The following SPACA7 variants were observed in gnomAD, a reference collection of about 807,000 sequenced individuals.
SPACA7 encodes the protein sperm acrosome associated 7.
Under a neutral mutation model 26.3 loss-of-function variants are expected in SPACA7, and 19 were observed. The ratio of observed to expected loss-of-function variants is 0.72; its 90% CI spans 0.50 to 1.06. SPACA7 has a LOEUF of 1.06. SPACA7 is among the 50% of genes least tolerant of loss of function. SPACA7 has a pLI of 0.00. For missense variants in SPACA7, 211 were observed against 229.9 expected, an observed-to-expected ratio of 0.92 and a Z score of 0.53; for synonymous variants, 84 against 84.5, an observed-to-expected ratio of 0.99 and a Z score of 0.04.
At position 112,414,683 on chromosome 13, in the gene SPACA7, A is replaced by T. The variant is rs142566006; in HGVS notation, c.445+13519A>T. Among the ~76,000 whole-genome samples the T allele has an allele frequency of 2.4e-4, 37 of 152,200 alleles. No homozygotes were observed. The East Asian group carries it at 6.6e-3, about 27-fold the overall frequency. ...GTTCTTGGCTTCCCAAAGTGCTGGG[A>T]TTACAGGTGTGAGCCACCGTGCCCA... On this transcript the variant is annotated intron_variant, in intron 5 of 6. Coordinates refer to ENST00000283550, the MANE Select transcript of SPACA7 (RefSeq NM_145248.5).
intron 5 of SPACA7, among the ~76,000 whole-genome samples, chr13:112,406,623 A>G (rs1342965735): frequency 6.6e-6 from 1 of 152,206 alleles, no homozygotes; most frequent in East Asian, 1.9e-4. Flanking sequence ...ATTATCACCA[A>G]TTATTAGGGA....
At chr13:112,378,803 T>A (rs1883860466) in intron 1 of SPACA7, 1 of 468,858 alleles carries the variant, frequency 2.1e-6, no homozygotes, top group Non-Finnish European at 4.4e-6. Flanking sequence ...ATTCTATGTA[T>A]CAATCTCAAA....
chr13:112,377,887 A>G (rs1217628053), intron 1 of SPACA7, among the ~76,000 whole-genome samples: 2 of 152,224 alleles, frequency 1.3e-5, no homozygotes, highest in Non-Finnish European at 2.9e-5. Flanking sequence ...GAGAAGAAAA[A>G]CAAAGATTTA....
At chr13:112,401,844 C>T (rs1190873229) in intron 5 of SPACA7, among the ~76,000 whole-genome samples, 4 of 152,092 alleles carry the variant, frequency 2.6e-5, no homozygotes, top group East Asian at 3.9e-4. Flanking sequence ...TTTAAAAGTC[C>T]ATCTTTGTCC....
chr13:112,427,045 A>C (rs1007176813), intron 5 of SPACA7, among the ~76,000 whole-genome samples: 2 of 152,232 alleles, frequency 1.3e-5, no homozygotes, highest in Admixed American at 6.5e-5. Flanking sequence ...TGGGTTGAAG[A>C]AGTTGCCTTC....
intron 1 of SPACA7, among the ~76,000 whole-genome samples, chr13:112,381,105 T>G (rs980599584): frequency 1.2e-4 from 19 of 152,204 alleles, no homozygotes; most frequent in Non-Finnish European, 1.3e-4. Context: ...TTATCTTATT[T>G]AAAAATTATT....
intron 5 of SPACA7, among the ~76,000 whole-genome samples, chr13:112,412,298 G>GT (rs747425013): frequency 4.6e-5 from 7 of 151,346 alleles, no homozygotes; most frequent in Non-Finnish European, 8.9e-5. Flanking sequence ...TTTGTTTTTT[G>GT]TTTTTTGTTT....
At position 112,399,080 on chromosome 13, in the gene SPACA7, G is replaced by T; in HGVS notation, c.256G>T (p.Glu86Ter). The change falls in exon 4 of 7, where the codon GAG becomes TAG. Residue 86 changes from glutamate (E) to a stop codon, truncating the protein, a stop_gained. Transcript: ENST00000283550. LOFTEE classifies it high-confidence loss of function. The stretch of plus-strand genomic sequence containing the variant: ...CTTCATTGAAGATGCTGGTATTGAT[G>T]AGAATTATCAAGCTGGTGGTTCTGA... Reference protein sequence around the residue: ...LSTPLHAGIDENYQAGGSENY... With the variant: ...LSTPLHAGID 6.2e-7 allele frequency: 1 copy of T among 1,605,730 alleles called. No homozygotes were observed. Among genetic ancestry groups the T allele is most frequent in the Non-Finnish European group, 8.5e-7 (1 of 1,173,254 alleles).
intron 5 of SPACA7, among the ~76,000 whole-genome samples, chr13:112,404,978 CTTTTTTTTT>C (rs373253878): frequency 7.4e-5 from 7 of 94,260 alleles, no homozygotes; most frequent in Admixed American, 5.3e-4. Flanking sequence ...GTATTCTCTT[CTTTTTTTTT>C]TTTTTTTTTT....
At chr13:112,378,156 A>T (rs1359886994) in intron 1 of SPACA7, among the ~76,000 whole-genome samples, 1 of 152,190 alleles carries the variant, frequency 6.6e-6, no homozygotes, top group Non-Finnish European at 1.5e-5. Flanking sequence ...ACTAACACCC[A>T]GTCAGGAGGG....
At chr13:112,402,333 T>C (rs919064212) in intron 5 of SPACA7, among the ~76,000 whole-genome samples, 2 of 152,248 alleles carry the variant, frequency 1.3e-5, no homozygotes, top group South Asian at 2.1e-4. Context: ...CATTGTGTAC[T>C]TTAACTGGTC....
At chr13:112,432,071 G>A (rs531784003) in intron 5 of SPACA7, among the ~76,000 whole-genome samples, 1 of 152,346 alleles carries the variant, frequency 6.6e-6, no homozygotes, top group East Asian at 1.9e-4. Flanking sequence ...GTGACCATGA[G>A]TGTCAGATCC....
chr13:112,404,979 T>C (rs1041919595), intron 5 of SPACA7, among the ~76,000 whole-genome samples: 3 of 32,046 alleles, frequency 9.4e-5, no homozygotes, highest in Non-Finnish European at 2.0e-4. Context: ...TATTCTCTTC[T>C]TTTTTTTTTT....
rs115910592 is a variant in SPACA7 at position 112,376,539 on chromosome 13, C to A, written c.94+60C>A. 6,205 of 1,550,500 alleles carry A rather than the reference C, an allele frequency of 4.0e-3. 231 individuals carry two copies. The African/African-American group carries it at 0.074, about 19-fold the overall frequency. ...AACTGAACCAGGTGGGGAGCGGCGG[C>A]CTCTTCTCCCATGGGTTCCTCTTAT... On this transcript the variant is annotated intron_variant, in intron 1 of 6. Coordinates refer to ENST00000283550, the MANE Select transcript of SPACA7 (RefSeq NM_145248.5).
intron 2 of SPACA7, 24 bp from the exon 3 acceptor site, chr13:112,398,025 G>A (rs762400819): frequency 2.1e-5 from 33 of 1,566,946 alleles, no homozygotes; most frequent in East Asian, 1.8e-4. Flanking sequence ...CGACTCTAAC[G>A]TGATCTTGTG....
At chr13:112,411,505 C>T (rs1030464431) in intron 5 of SPACA7, among the ~76,000 whole-genome samples, 1 of 152,090 alleles carries the variant, frequency 6.6e-6, no homozygotes, top group African/African-American at 2.4e-5. Flanking sequence ...TAACTGTAAT[C>T]ACCCTACCGT....
At chr13:112,379,024 T>G (rs1283359739) in intron 1 of SPACA7, among the ~76,000 whole-genome samples, 1 of 152,254 alleles carries the variant, frequency 6.6e-6, no homozygotes, top group East Asian at 1.9e-4. Context: ...TTGTCCGTTA[T>G]GCGTAGCCTA....
At chr13:112,403,351 T>C (rs1273482237) in intron 5 of SPACA7, among the ~76,000 whole-genome samples, 2 of 152,202 alleles carry the variant, frequency 1.3e-5, no homozygotes, top group East Asian at 3.8e-4. Context: ...TTTGTAAATT[T>C]ATGCTTAATC....
intron 5 of SPACA7, among the ~76,000 whole-genome samples, chr13:112,411,670 A>T (rs192498776): frequency 6.6e-6 from 1 of 152,116 alleles, no homozygotes; most frequent in South Asian, 2.1e-4. Context: ...TTTAGCTCCA[A>T]CATATGAGTG....
Sources: allele counts gnomAD v4.1 joint callset (sites outside exome capture counted in the v4.1 genomes callset), GRCh38; gene constraint gnomAD v4.1.1; transcripts MANE v1.5; gene names NCBI Gene and HGNC (gene_info 2026-07-23, HGNC 2026-07-21).